FAT3: variants seen among roughly 807,000 people sequenced by gnomAD.
The protein encoded by FAT3 is protocadherin Fat 3.
A neutral mutation model predicts 310.2 loss-of-function variants in FAT3; 95 were observed. The observed-to-expected ratio is 0.31, with a 90% CI of 0.26 to 0.36. FAT3 has a LOEUF of 0.36. Ranked by LOEUF, FAT3 falls within the 10% of genes least tolerant of loss-of-function variation. The probability of loss-of-function intolerance (pLI) is 1.00; values close to 1 mark genes in which losing one functional copy is unlikely to be tolerated. For synonymous variants in FAT3, 2,314 were observed against 2,192.9 expected, an observed-to-expected ratio of 1.06 and a Z score of -1.54; for missense variants, 5,408 against 5,715.6, an observed-to-expected ratio of 0.95 and a Z score of 1.74.
At chr11:92,806,644 C>T in intron 12 of FAT3, 129 bp downstream of exon 12, 1 of 732,660 alleles carries the variant, frequency 1.4e-6, no homozygotes, top group South Asian at 2.4e-5. Context: ...GGAAATTTTC[C>T]CTTCCATCCT....
At chr11:92,502,870 C>T (rs1299997815) in intron 2 of FAT3, among the ~76,000 whole-genome samples, 1 of 152,010 alleles carries the variant, frequency 6.6e-6, no homozygotes, top group Admixed American at 6.6e-5. Context: ...GCAAATCCTG[C>T]TTCTATCATT....
chr11:92,481,354 C>A (rs1236944624), intron 2 of FAT3, among the ~76,000 whole-genome samples: 2 of 151,626 alleles, frequency 1.3e-5, no homozygotes, highest in Non-Finnish European at 2.9e-5. Context: ...GCATTATTCC[C>A]AAAATCAAAT....
intron 3 of FAT3, among the ~76,000 whole-genome samples, chr11:92,539,974 T>C (rs1227915938): frequency 6.6e-6 from 1 of 152,188 alleles, no homozygotes; most frequent in Non-Finnish European, 1.5e-5. Flanking sequence ...TGGAAATTCT[T>C]CACAATTTTT....
chr11:92,460,024 C>T (rs1951594662), intron 2 of FAT3, among the ~76,000 whole-genome samples: 1 of 151,928 alleles, frequency 6.6e-6, no homozygotes, highest in African/African-American at 2.4e-5. Flanking sequence ...GGGTTTATTG[C>T]TGCCAGGGAC....
rs1317708610 is a variant in FAT3 at position 92,883,449 on chromosome 11, C to T, written c.12937+56C>T. On this transcript the variant is annotated intron_variant, in intron 24 of 27. Transcript: ENST00000525166. This position sits in a 1 kb window ranked among gnomAD's most constrained non-coding sequence, Gnocchi z 4.2. ...GGTGCTTACAGGGAACCTGCAGGGG[C>T]GCTGTGCGAGGACGCTACGGGAAGG... is the stretch of plus-strand genomic sequence containing the variant. The T allele has an allele frequency of 9.0e-6, 14 of 1,547,792 alleles. No homozygotes were observed. The highest frequency in any genetic ancestry group is 1.2e-5 in the Non-Finnish European group (14 of 1,145,138).
At chr11:92,573,109 T>C (rs1278139541) in intron 3 of FAT3, among the ~76,000 whole-genome samples, 6 of 152,332 alleles carry the variant, frequency 3.9e-5, no homozygotes. Flanking sequence ...TACTGTGTTT[T>C]AGGACTTATG....
At chr11:92,790,994 G>A (rs1297645807) in intron 8 of FAT3, among the ~76,000 whole-genome samples, 2 of 152,108 alleles carry the variant, frequency 1.3e-5, no homozygotes, top group Non-Finnish European at 2.9e-5. Flanking sequence ...GCACTGATTG[G>A]CTTTAAAATA....
chr11:92,403,172 G>T (rs1294246597), intron 2 of FAT3: 1 of 152,126 alleles, frequency 6.6e-6, no homozygotes. Context: ...AGATGGATAT[G>T]GGGGGACAAG....
intron 3 of FAT3, among the ~76,000 whole-genome samples, chr11:92,562,477 A>G (rs1955264065): frequency 6.6e-6 from 1 of 152,226 alleles, no homozygotes; most frequent in Non-Finnish European, 1.5e-5. Flanking sequence ...AAGTGGATAT[A>G]CTATCTCACA....
At position 92,844,204 on chromosome 11, in the gene FAT3, A is replaced by G; in HGVS notation, c.10837A>G (p.Ser3613Gly). 1.2e-6 allele frequency: 2 copies of G among 1,614,054 alleles called. No individual in the cohort carries two copies. The highest frequency in any genetic ancestry group is 1.7e-6 in the Non-Finnish European group (2 of 1,179,900). The change falls in exon 19 of 28, where the codon AGC becomes GGC. Residue 3613 changes from serine (S) to glycine (G), a missense_variant. Transcript: ENST00000525166. ...GKIIALGGLD[S>G]GKYVLNVSVS... ...AATCATCGCCCTGGGAGGCCTGGACAGCGGCAAGTATGTCCTGAATGTGTC... is the reference window on the plus strand; with the variant it reads ...AATCATCGCCCTGGGAGGCCTGGACGGCGGCAAGTATGTCCTGAATGTGTC...
intron 1 of FAT3, among the ~76,000 whole-genome samples, chr11:92,261,442 C>T (rs550036384): frequency 1.3e-5 from 2 of 152,212 alleles, no homozygotes; most frequent in South Asian, 4.1e-4. Context: ...GCCTCTTATG[C>T]AGAAGGATTG....
chr11:92,432,139 G>C (rs1393808400), intron 2 of FAT3, among the ~76,000 whole-genome samples: 1 of 152,136 alleles, frequency 6.6e-6, no homozygotes, highest in Non-Finnish European at 1.5e-5. Context: ...AGCATGGAAT[G>C]TTCTTCCATT....
intron 1 of FAT3, among the ~76,000 whole-genome samples, chr11:92,253,064 A>G (rs1205694629): frequency 6.6e-6 from 1 of 151,786 alleles, no homozygotes; most frequent in East Asian, 1.9e-4. Flanking sequence ...AATTATTGCC[A>G]CCCCTTCCTT....
At chr11:92,412,746 A>AC (rs1591252852) in intron 2 of FAT3, among the ~76,000 whole-genome samples, 14 of 18,056 alleles carry the variant, frequency 7.8e-4, no homozygotes, top group Admixed American at 2.7e-3. Context: ...TATATATATA[A>AC]ATATACATAC....
chr11:92,342,716 CT>C (rs986273726), intron 1 of FAT3, among the ~76,000 whole-genome samples: 2 of 151,866 alleles, frequency 1.3e-5, no homozygotes, highest in East Asian at 1.9e-4. Context: ...AAAAGGTTTT[CT>C]TTTTTTTCTT....
chr11:92,720,924 A>G (rs1287212344), intron 4 of FAT3, among the ~76,000 whole-genome samples: 1 of 152,174 alleles, frequency 6.6e-6, no homozygotes, highest in African/African-American at 2.4e-5. Context: ...TCCAAATGTT[A>G]TAGCATTCAT....
Position 92,834,946 on chromosome 11 carries a change from G to A in FAT3, c.9948G>A (p.Gly3316=), listed in dbSNP as rs1481416320. 18 of 1,612,894 alleles carry A rather than the reference G, an allele frequency of 1.1e-5. No individual in the cohort carries two copies. The highest frequency in any genetic ancestry group is 2.2e-5 in the East Asian group (1 of 44,858). The change falls in exon 15 of 28, where the codon GGG becomes GGA. Residue 3316 remains glycine, a synonymous_variant. Coordinates refer to ENST00000525166, the MANE Select transcript of FAT3 (RefSeq NM_001367949.2). ...ACCTGGTAGTGGAAGCCAAAGATGG[G>A]GGCACCCCAGCTCTCAGCGCTGTGG... ...RFYLVVEAKD[G]GTPALSAVAT...
intron 1 of FAT3, among the ~76,000 whole-genome samples, chr11:92,309,167 T>G: frequency 1.1e-5 from 1 of 90,700 alleles, no homozygotes; most frequent in South Asian, 4.3e-4. Context: ...ACACCCCCCT[T>G]TCCTGCAAAG....
intron 2 of FAT3, among the ~76,000 whole-genome samples, chr11:92,468,429 T>C (rs981733420): frequency 6.6e-6 from 1 of 152,200 alleles, no homozygotes; most frequent in Non-Finnish European, 1.5e-5. Context: ...TATAACCTTT[T>C]GTATAGCATC....
Sources: allele counts gnomAD v4.1 joint callset (sites outside exome capture counted in the v4.1 genomes callset), GRCh38; gene constraint gnomAD v4.1.1; non-coding constraint Gnocchi (gnomAD v3.1); transcripts MANE v1.5; gene names NCBI Gene and HGNC (gene_info 2026-07-23, HGNC 2026-07-21).